CLASP1: variants seen among roughly 807,000 people sequenced by gnomAD.
CLASP1 encodes the protein CLIP-associating protein 1.
Under a neutral mutation model 192.3 loss-of-function variants are expected in CLASP1, and 38 were observed. The observed-to-expected ratio is 0.20, with a 90% CI of 0.15 to 0.26. The LOEUF is 0.26. Ranked by LOEUF, CLASP1 falls within the 10% of genes least tolerant of loss-of-function variation. CLASP1 has a pLI of 1.00. For missense variants in CLASP1, 1,433 were observed against 1,932.5 expected, an observed-to-expected ratio of 0.74 and a Z score of 4.85; for synonymous variants, 691 against 712.8, an observed-to-expected ratio of 0.97 and a Z score of 0.49.
intron 8 of CLASP1, among the ~76,000 whole-genome samples, chr2:121,482,106 G>A (rs2092640914): frequency 6.6e-6 from 1 of 152,204 alleles, no homozygotes; most frequent in East Asian, 1.9e-4. Context: ...GGCTTTAAAT[G>A]TGTGCACATC....
intron 8 of CLASP1, among the ~76,000 whole-genome samples, chr2:121,485,921 T>A (rs775907668): frequency 2.1e-4 from 32 of 152,150 alleles, no homozygotes; most frequent in Non-Finnish European, 4.3e-4. Flanking sequence ...TAAGCCAGCA[T>A]AAGGAGCCTT....
intron 34 of CLASP1, among the ~76,000 whole-genome samples, chr2:121,368,109 TGAAAGGCTCAGAAGCCTTTCCTTGAGAAG>T (rs375985508): frequency 1.3e-5 from 2 of 152,180 alleles, no homozygotes; most frequent in African/African-American, 4.8e-5. Flanking sequence ...TTCTGAGGGA[TGAAAGGCTCAGAAGCCTTTCCTTGAGAAG>T]GAAAGGCTGT....
intron 1 of CLASP1, among the ~76,000 whole-genome samples, chr2:121,631,158 CAAAAAAAAAAAAAAA>C (rs869087192): frequency 3.1e-5 from 2 of 65,150 alleles, no homozygotes; most frequent in Non-Finnish European, 5.4e-5. Flanking sequence ...GACTCCAGCT[CAAAAAAAAAAAAAAA>C]AAAAAAAAAG....
chr2:121,348,745 T>C (rs775494938), intron 37 of CLASP1, 27 bp from the exon 39 acceptor site: 19 of 1,552,916 alleles, frequency 1.2e-5, no homozygotes, highest in Non-Finnish European at 1.6e-5. Flanking sequence ...CCCCAAAGAG[T>C]GAGCTCCACA....
At chr2:121,597,875 C>G (rs72972737) in intron 2 of CLASP1, among the ~76,000 whole-genome samples, 6,422 of 152,296 alleles carry the variant, frequency 0.042, 189 homozygotes, top group East Asian at 0.14. Flanking sequence ...AAGTCCCCCC[C>G]CAATTCCCTC....
chr2:121,343,334 G>A (rs898653177), intron 39 of CLASP1, among the ~76,000 whole-genome samples: 1 of 152,198 alleles, frequency 6.6e-6, no homozygotes, highest in Non-Finnish European at 1.5e-5. Context: ...ACAGCAGGGA[G>A]GTTCCCTGAA....
At chr2:121,500,382 AAGAAAG>A (rs2093704913) in intron 8 of CLASP1, among the ~76,000 whole-genome samples, 1 of 150,014 alleles carries the variant, frequency 6.7e-6, no homozygotes, top group Non-Finnish European at 1.5e-5. Flanking sequence ...GAAAGAAAGA[AAGAAAG>A]AAAGAAAGAA....
At chr2:121,353,296 G>C (rs767064624) in intron 37 of CLASP1, among the ~76,000 whole-genome samples, 61 of 152,042 alleles carry the variant, frequency 4.0e-4, no homozygotes, top group Non-Finnish European at 8.5e-4. Flanking sequence ...GGGGGTGAAG[G>C]GGGCAGAGCT....
intron 1 of CLASP1, among the ~76,000 whole-genome samples, chr2:121,629,433 C>CTTATTGGACTTTAAAGG: frequency 6.6e-6 from 1 of 151,748 alleles, no homozygotes; most frequent in East Asian, 1.9e-4. Context: ...TAAATCTGTT[C>CTTATTGGACTTTAAAGG]TTATTGGACT....
At chr2:121,464,606 G>A (rs2089058171) in intron 9 of CLASP1, among the ~76,000 whole-genome samples, 1 of 152,172 alleles carries the variant, frequency 6.6e-6, no homozygotes, top group East Asian at 1.9e-4. Context: ...GTGATGGTGA[G>A]CATTTTTTCA....
chr2:121,387,920 C>A lies in CLASP1; in HGVS notation c.3124-14G>T. On this transcript the variant is annotated splice_polypyrimidine_tract_variant and intron_variant, in intron 30 of 39. Transcript: ENST00000263710. ...AATCTGTGCTGCCTAGAAAAAGGAACCATGATTAATTTATGTAATGTACAA... is the reference window on the plus strand; with the variant it reads ...AATCTGTGCTGCCTAGAAAAAGGAAACATGATTAATTTATGTAATGTACAA... 1 of 1,594,288 alleles carries A rather than the reference C, an allele frequency of 6.3e-7. No homozygotes were observed. The highest frequency in any genetic ancestry group is 8.6e-7 in the Non-Finnish European group (1 of 1,163,388).
intron 19 of CLASP1, among the ~76,000 whole-genome samples, chr2:121,441,715 G>C (rs2083378679): frequency 6.6e-6 from 1 of 151,904 alleles, no homozygotes; most frequent in Admixed American, 6.6e-5. Context: ...CTGCACTCCA[G>C]AGCCTGGGTA....
intron 2 of CLASP1, among the ~76,000 whole-genome samples, chr2:121,575,597 ATT>A (rs2060436696): frequency 6.6e-6 from 1 of 152,146 alleles, no homozygotes; most frequent in Non-Finnish European, 1.5e-5. Flanking sequence ...AGGTAGTATT[ATT>A]TCTCTCCATC....
chr2:121,594,643 G>A (rs567133124), intron 2 of CLASP1, among the ~76,000 whole-genome samples: 114 of 152,096 alleles, frequency 7.5e-4, no homozygotes, highest in African/African-American at 2.7e-3. Flanking sequence ...TGCCCGCCTT[G>A]GCCTCCCAAA....
intron 37 of CLASP1, among the ~76,000 whole-genome samples, chr2:121,357,489 C>T (rs375768261): frequency 1.3e-5 from 2 of 152,126 alleles, no homozygotes; most frequent in African/African-American, 2.4e-5. Flanking sequence ...TCACAGCCCC[C>T]GAGCTGGCAA....
At position 121,486,701 on chromosome 2, in the gene CLASP1, A is replaced by C. The variant is rs551208380; in HGVS notation, c.712+16466T>G. The stretch of plus-strand genomic sequence containing the variant: ...CCAAATTTGGAAAAGGTTTCCTACC[A>C]GAATGTTCTCTCATACTTTAAAGTA... On this transcript the variant is annotated intron_variant, in intron 8 of 39. Coordinates refer to ENST00000263710, the Ensembl canonical transcript of CLASP1. Among the ~76,000 whole-genome samples, 247 of 152,334 alleles carry C rather than the reference A, an allele frequency of 1.6e-3. 3 individuals carry two copies. Among genetic ancestry groups the C allele is most frequent in the African/African-American group, 5.3e-3 (221 of 41,588 alleles).
intron 2 of CLASP1, among the ~76,000 whole-genome samples, chr2:121,591,012 C>T (rs552721311): frequency 3.3e-5 from 5 of 152,012 alleles, no homozygotes; most frequent in Admixed American, 6.6e-5. Flanking sequence ...GGACTACAGG[C>T]GTGCACCACC....
intron 37 of CLASP1, among the ~76,000 whole-genome samples, chr2:121,362,177 T>C (rs1573795095): frequency 6.6e-6 from 1 of 152,290 alleles, no homozygotes; most frequent in Non-Finnish European, 1.5e-5. Context: ...TGTCTCACTC[T>C]GGGGTCAAAC....
At chr2:121,370,067 T>C (rs2068285047) in intron 34 of CLASP1, among the ~76,000 whole-genome samples, 1 of 152,218 alleles carries the variant, frequency 6.6e-6, no homozygotes, top group Non-Finnish European at 1.5e-5. Context: ...ATTTCTGTAA[T>C]TGACCGTAAG....
Sources: allele counts gnomAD v4.1 joint callset (sites outside exome capture counted in the v4.1 genomes callset), GRCh38; gene constraint gnomAD v4.1.1; transcripts MANE v1.5; gene names NCBI Gene and HGNC (gene_info 2026-07-23, HGNC 2026-07-21).